The following PHOSPHO1 variants were observed in gnomAD, a reference collection of about 807,000 sequenced individuals.
PHOSPHO1 encodes the protein phosphoethanolamine/phosphocholine phosphatase.
Under a neutral mutation model 17.7 loss-of-function variants are expected in PHOSPHO1, and 6 were observed. The ratio of observed to expected loss-of-function variants is 0.34; its 90% CI spans 0.19 to 0.67. The LOEUF (loss-of-function observed/expected upper bound fraction) is 0.67, where lower values mean the gene tolerates loss of function less well. Among genes scored for constraint, PHOSPHO1 ranks in the 30% least tolerant of loss-of-function variants. PHOSPHO1 has a pLI of 0.69. For synonymous variants in PHOSPHO1, 159 were observed against 174.6 expected, an observed-to-expected ratio of 0.91 and a Z score of 0.71; for missense variants, 330 against 392.1, an observed-to-expected ratio of 0.84 and a Z score of 1.34.
intron 2 of PHOSPHO1, chr17:49,225,583 G>A (rs555316436): frequency 1.6e-6 from 2 of 1,287,492 alleles, no homozygotes; most frequent in East Asian, 1.1e-4. Context: ...CTGAACAGGG[G>A]TCTAGGGATG....
In PHOSPHO1 at chr17:49,223,940, C is replaced by T. The variant is rs1257503011; in HGVS notation, c.*306G>A. The T allele has an allele frequency of 6.4e-6, 2 of 313,038 alleles. No individual in the cohort carries two copies. Among genetic ancestry groups the T allele is most frequent in the Non-Finnish European group, 1.2e-5 (2 of 171,860 alleles). 19.4% of individuals were successfully genotyped at this position (313,038 alleles called of 1,614,324 possible). A position where few individuals can be genotyped will look rare whatever the true frequency, so the allele number is the denominator to read the frequency against. On this transcript the variant is annotated 3_prime_UTR_variant, in exon 3 of 3. Coordinates refer to ENST00000310544, the MANE Select transcript of PHOSPHO1 (RefSeq NM_178500.4). ...TCTCACCTGCCGGGGGGGCCCCTTC[C>T]TCCCAGTTGGGAGGACCAGGAAATA... is the stretch of plus-strand genomic sequence containing the variant.
At chr17:49,225,482 C>A (rs1457483637) in intron 2 of PHOSPHO1, 1 of 985,280 alleles carries the variant, frequency 1.0e-6, no homozygotes, top group Non-Finnish European at 1.2e-6. Flanking sequence ...AAACCAACCA[C>A]CCATCCACCC....
At chr17:49,225,847 AG>A in intron 2 of PHOSPHO1, 1 of 1,195,690 alleles carries the variant, frequency 8.4e-7, no homozygotes, top group Non-Finnish European at 1.1e-6. Context: ...GGGAGGGGCC[AG>A]GTAGTGGGGA....
chr17:49,230,399 C>T (rs2043401301), intron 1 of PHOSPHO1, 69 bp downstream of exon 1: 1 of 152,600 alleles, frequency 6.6e-6, no homozygotes, highest in South Asian at 2.0e-4. Context: ...GGAGCGCCTT[C>T]AAACTCCACA....
chr17:49,224,153 A>AG lies in PHOSPHO1; in HGVS notation c.*92dup. 2 of 1,423,352 alleles carry AG rather than the reference A, an allele frequency of 1.4e-6. No individual in the cohort carries two copies. The highest frequency in any genetic ancestry group is 2.9e-5 in the African/African-American group (2 of 69,488). The allele number at this position is 1,423,352 out of a possible 1,614,324, so 88.2% of individuals were successfully genotyped here. On this transcript the variant is annotated 3_prime_UTR_variant, in exon 3 of 3. Coordinates refer to ENST00000310544, the MANE Select transcript of PHOSPHO1 (RefSeq NM_178500.4). ...TCCCAGAGGGACATAACAAAGCCAA[A>AG]GGGAAAAGGGAGTAGTAAAGCTGTC...
chr17:49,224,453 G>T lies in PHOSPHO1; in HGVS notation c.597C>A (p.Phe199Leu). The change falls in exon 3 of 3, where the codon TTC becomes TTA. Residue 199 changes from phenylalanine (F) to leucine (L), a missense_variant. Coordinates refer to ENST00000310544, the MANE Select transcript of PHOSPHO1 (RefSeq NM_178500.4). ...AHDGVHFERLFYVGDGANDFC... is the reference protein window; with the variant it reads ...AHDGVHFERLLYVGDGANDFC... The stretch of plus-strand genomic sequence containing the variant: ...AGTCGTTGGCGCCGTCGCCCACGTA[G>T]AAGAGGCGCTCGAAGTGCACGCCGT... 1 of 1,559,710 alleles carries T rather than the reference G, an allele frequency of 6.4e-7. No homozygotes were observed. The highest frequency in any genetic ancestry group is 8.7e-7 in the Non-Finnish European group (1 of 1,154,314).
chr17:49,229,924 G>A (rs1250066506), intron 1 of PHOSPHO1, among the ~76,000 whole-genome samples: 1 of 152,186 alleles, frequency 6.6e-6, no homozygotes, highest in Non-Finnish European at 1.5e-5. Context: ...ATTGCAGCTG[G>A]AGCTCCCCCC....
chr17:49,225,180 C>G, intron 2 of PHOSPHO1, 176 bp from the exon 3 acceptor site: 1 of 1,429,820 alleles, frequency 7.0e-7, no homozygotes, highest in Non-Finnish European at 9.1e-7. Context: ...CCCAATGCCA[C>G]CACCTCTATC....
intron 2 of PHOSPHO1, chr17:49,225,673 C>T (rs1024690335): frequency 2.2e-5 from 28 of 1,289,764 alleles, no homozygotes; most frequent in Non-Finnish European, 2.1e-5. Flanking sequence ...CCAGGAGGAA[C>T]GTGTCAGCAG....
intron 2 of PHOSPHO1, 110 bp from the exon 3 acceptor site, chr17:49,225,114 C>T: frequency 7.6e-6 from 11 of 1,441,126 alleles, no homozygotes; most frequent in Non-Finnish European, 1.0e-5. Flanking sequence ...CGGCCAGAGG[C>T]GCTGGCACAT....
Position 49,224,263 on chromosome 17 carries a change from C to G in PHOSPHO1, c.787G>C (p.Val263Leu). Residue 263 changes from valine to leucine, a missense_variant, in exon 3 of 3, where the codon GTG (valine) becomes CTG (leucine). By Grantham distance (32) the Val-to-Leu change is conservative. Coordinates refer to ENST00000310544, the MANE Select transcript of PHOSPHO1 (RefSeq NM_178500.4). ...AADVRLHLQQ[V>L]LKSC ...GGCCAGACTCAGCACGACTTCAGCACCTGTTGCAGGTGGAGGCGCACATCT... is the reference window on the plus strand; with the variant it reads ...GGCCAGACTCAGCACGACTTCAGCAGCTGTTGCAGGTGGAGGCGCACATCT... The G allele has an allele frequency of 6.3e-7, 1 of 1,586,140 alleles. No individual in the cohort carries two copies. Among genetic ancestry groups the G allele is most frequent in the Non-Finnish European group, 8.5e-7 (1 of 1,170,514 alleles).
chr17:49,224,522 G>A lies in PHOSPHO1; in HGVS notation c.528C>T (p.Cys176=), dbSNP rs767692533. The A allele has an allele frequency of 6.3e-7, 1 of 1,577,366 alleles. No individual in the cohort carries two copies. Among genetic ancestry groups the A allele is most frequent in the Admixed American group, 1.8e-5 (1 of 55,414 alleles). Residue 176 remains cysteine, a synonymous_variant, in exon 3 of 3, where the codon TGC becomes TGT. Transcript: ENST00000310544. ...GGTAGTCGCTGAGCACCTTGTGCTT[G>A]CACATGTTGGCGGGGCAGCGCGCGC... ...HSCARCPANM[C]KHKVLSDYLR...
In PHOSPHO1 at chr17:49,230,740, GGGAGCC is replaced by G. The variant is rs918247170; in HGVS notation, c.-346_-341del. The G allele has an allele frequency of 2.7e-4, 42 of 155,794 alleles. No individual in the cohort carries two copies. Among genetic ancestry groups the G allele is most frequent in the Non-Finnish European group, 4.3e-4 (30 of 70,240 alleles). 9.7% of individuals were successfully genotyped at this position (155,794 alleles called of 1,614,324 possible). On this transcript the variant is annotated 5_prime_UTR_variant, in exon 1 of 3. Transcript: ENST00000310544. ...GCCGCCGCGTCCCCTTTAAATGCCC[GGGAGCC>G]GGAGCCGGAGCCGGAGCCGCGGCCG...
chr17:49,224,442 T>A lies in PHOSPHO1; in HGVS notation c.608A>T (p.Asp203Val). 6.4e-7 allele frequency: 1 copy of A among 1,555,594 alleles called. No individual in the cohort carries two copies. The highest frequency in any genetic ancestry group is 8.7e-7 in the Non-Finnish European group (1 of 1,152,238). ...CATGGGGCAGAAGTCGTTGGCGCCG[T>A]CGCCCACGTAGAAGAGGCGCTCGAA... The part of the protein sequence containing the change: ...VHFERLFYVG[D>V]GANDFCPMGL... Residue 203 changes from aspartate to valine, a missense_variant, in exon 3 of 3, where the codon GAC (aspartate) becomes GTC (valine). Transcript: ENST00000310544.
chr17:49,226,549 C>T (rs745729556), intron 2 of PHOSPHO1, 98 bp downstream of exon 2: 79 of 1,301,012 alleles, frequency 6.1e-5, no homozygotes, highest in Non-Finnish European at 7.7e-5. Context: ...AAACCTAAAA[C>T]GGGCTGGATA....
At position 49,224,504 on chromosome 17, in the gene PHOSPHO1, G is replaced by A. The variant is rs1479434120; in HGVS notation, c.546C>T (p.Ser182=). Residue 182 remains serine, a synonymous_variant, in exon 3 of 3, where the codon AGC becomes AGT. Coordinates refer to ENST00000310544, the MANE Select transcript of PHOSPHO1 (RefSeq NM_178500.4). The part of the protein sequence containing the change: ...PANMCKHKVL[S]DYLRERAHDG... The stretch of plus-strand genomic sequence containing the variant: ...CGTGGGCCCGCTCGCGCAGGTAGTC[G>A]CTGAGCACCTTGTGCTTGCACATGT... 1 of 1,576,214 alleles carries A rather than the reference G, an allele frequency of 6.3e-7. No individual in the cohort carries two copies. Among genetic ancestry groups the A allele is most frequent in the African/African-American group, 1.3e-5 (1 of 74,166 alleles).
intron 1 of PHOSPHO1, among the ~76,000 whole-genome samples, chr17:49,228,056 A>C (rs1036990361): frequency 1.3e-5 from 2 of 152,080 alleles, no homozygotes; most frequent in African/African-American, 4.8e-5. Context: ...CACATGTCCA[A>C]CCTCAGCCAG....
intron 1 of PHOSPHO1, 22 bp from the exon 2 acceptor site, chr17:49,226,780 T>G: frequency 6.7e-7 from 1 of 1,499,126 alleles, no homozygotes; most frequent in Non-Finnish European, 9.3e-7. Flanking sequence ...AAAAGTTCAT[T>G]TGAGGGTGCC....
Position 49,225,008 on chromosome 17 carries a change from G to A in PHOSPHO1, c.46-4C>T, listed in dbSNP as rs1041025548. On this transcript the variant is annotated splice_region_variant and splice_polypyrimidine_tract_variant and intron_variant, in intron 2 of 2. Coordinates refer to ENST00000310544, the MANE Select transcript of PHOSPHO1 (RefSeq NM_178500.4). ...CCTGCGCGGCCATCCTGCCGTCCTG[G>A]GAGCAGGGGGGAGAGCAGCAGGAGG... The A allele has an allele frequency of 1.3e-5, 20 of 1,505,140 alleles. No homozygotes were observed. Among genetic ancestry groups the A allele is most frequent in the Non-Finnish European group, 1.4e-5 (16 of 1,127,414 alleles). 93.2% of individuals were successfully genotyped at this position (1,505,140 alleles called of 1,614,324 possible).
Sources: gnomAD v4.1 joint callset for allele counts (sites outside exome capture counted in the v4.1 genomes callset) on GRCh38, gnomAD v4.1.1 for gene constraint, MANE v1.5 for transcripts, NCBI Gene and HGNC (gene_info 2026-07-23, HGNC 2026-07-21) for gene names.